The following FOXK1 variants were observed in gnomAD, a reference collection of about 807,000 sequenced individuals.
FOXK1 encodes forkhead box K1.
In FOXK1, 19 loss-of-function variants were observed where a neutral mutation model predicts 51.9. The ratio of observed to expected loss-of-function variants is 0.37; its 90% CI spans 0.26 to 0.54. The LOEUF is 0.54. Ranked by LOEUF, FOXK1 falls within the 20% of genes least tolerant of loss-of-function variation. FOXK1 has a pLI of 0.87. For missense variants in FOXK1, 870 were observed against 1,032.7 expected (o/e 0.84, Z 2.16); for synonymous variants, 537 against 482.6 (o/e 1.11, Z -1.48).
In FOXK1 at chr7:4,766,658, C is replaced by T. The variant is rs1422148927; in HGVS notation, c.*4194C>T. ...GAGTTGGGCCAGGACGGGGGCTTCA[C>T]CCTGCCCCCTCCAGACTGCCGAAGC... On this transcript the variant is annotated 3_prime_UTR_variant, in exon 9 of 9. Transcript: ENST00000328914. This position sits in a 1 kb window ranked among gnomAD's most constrained non-coding sequence, Gnocchi z 5.5. 6.6e-6 allele frequency: 1 copy of T among 152,320 alleles called. No homozygotes were observed. Among genetic ancestry groups the T allele is most frequent in the East Asian group, 1.9e-4 (1 of 5,182 alleles). The allele number at this position is 152,320 out of a possible 1,614,324, so 9.4% of individuals were successfully genotyped here. A position where few individuals can be genotyped will look rare whatever the true frequency, so the allele number is the denominator to read the frequency against.
Position 4,755,442 on chromosome 7 carries a change from CA to C in FOXK1, c.1050+60del, listed in dbSNP as rs1325285573. ...GAAGGCCCTTAGAACATGGAACTCA[CA>C]GGCATATTGCTTCCCTTAAAACAGA... is the stretch of plus-strand genomic sequence containing the variant. On this transcript the variant is annotated intron_variant, in intron 4 of 8. Coordinates refer to ENST00000328914, the MANE Select transcript of FOXK1 (RefSeq NM_001037165.2). This position sits in a 1 kb window ranked among gnomAD's most constrained non-coding sequence, Gnocchi z 6.6. 4.4e-6 allele frequency: 7 copies of C among 1,591,204 alleles called. No individual in the cohort carries two copies. The highest frequency in any genetic ancestry group is 2.7e-5 in the African/African-American group (2 of 74,526).
chr7:4,751,175 C>T (rs546089276), intron 2 of FOXK1, among the ~76,000 whole-genome samples: 33 of 151,708 alleles, frequency 2.2e-4, no homozygotes, highest in African/African-American at 7.0e-4. Context: ...CCACCATGCC[C>T]GGCTAATTTT....
Position 4,721,975 on chromosome 7 carries a change from G to T in FOXK1, c.561-18863G>T, listed in dbSNP as rs562885932. Among the ~76,000 whole-genome samples, 34 of 152,280 alleles carry T rather than the reference G, an allele frequency of 2.2e-4. No individual in the cohort carries two copies. The South Asian group carries it at 4.6e-3, about 20-fold the overall frequency. On this transcript the variant is annotated intron_variant, in intron 1 of 8. Transcript: ENST00000328914. ...CATCCCTTTCTCGTGCAGGAGTAACGGGGACGCGCACAGCCGTGTTACTTT... is the reference window on the plus strand; with the variant it reads ...CATCCCTTTCTCGTGCAGGAGTAACTGGGACGCGCACAGCCGTGTTACTTT...
At chr7:4,687,663 T>C (rs545035561) in intron 1 of FOXK1, among the ~76,000 whole-genome samples, 1 of 152,280 alleles carries the variant, frequency 6.6e-6, no homozygotes, top group Admixed American at 6.5e-5. Context: ...AAAATTTGTT[T>C]TCCTCATGAA....
At position 4,749,467 on chromosome 7, in the gene FOXK1, C is replaced by T. The variant is rs1583208442; in HGVS notation, c.747-4992C>T. Reference sequence around the variant, plus strand: ...AGCGTCCTCCTCTGCAGGGAGGTTCCCCCAGGAGGCTTCAGGTGCCGCCTT... The same window carrying T: ...AGCGTCCTCCTCTGCAGGGAGGTTCTCCCAGGAGGCTTCAGGTGCCGCCTT... On this transcript the variant is annotated intron_variant, in intron 2 of 8. Transcript: ENST00000328914. The surrounding 1 kb of genome is among the most constrained non-coding windows in gnomAD (Gnocchi z 6.0). Among the ~76,000 whole-genome samples the T allele has an allele frequency of 6.6e-6, 1 of 152,200 alleles. No homozygotes were observed. Among genetic ancestry groups the T allele is most frequent in the African/African-American group, 2.4e-5 (1 of 41,444 alleles).
chr7:4,759,875 A>G (rs927149901), intron 7 of FOXK1: 2 of 534,564 alleles, frequency 3.7e-6, no homozygotes, highest in Non-Finnish European at 6.6e-6. Flanking sequence ...TACTGAAAAT[A>G]CAAAAATTAG....
Position 4,715,172 on chromosome 7 carries a change from C to T in FOXK1, c.561-25666C>T, listed in dbSNP as rs1039091282. ...GATACGGTACATGGTGGAACTGTGA[C>T]GATACGGGGCACGGTGGAACTGTGG... On this transcript the variant is annotated intron_variant, in intron 1 of 8. Transcript: ENST00000328914. This position sits in a 1 kb window ranked among gnomAD's most constrained non-coding sequence, Gnocchi z 4.5. Among the ~76,000 whole-genome samples the T allele has an allele frequency of 2.7e-5, 4 of 147,634 alleles. No individual in the cohort carries two copies. The South Asian group carries it at 6.3e-4, about 23-fold the overall frequency.
At chr7:4,701,478 G>A (rs919425569) in intron 1 of FOXK1, among the ~76,000 whole-genome samples, 4 of 152,124 alleles carry the variant, frequency 2.6e-5, no homozygotes, top group Admixed American at 1.3e-4. Flanking sequence ...ACTATTGACC[G>A]GGCGTGGTGG....
At chr7:4,689,391 C>T (rs1779864767) in intron 1 of FOXK1, among the ~76,000 whole-genome samples, 1 of 152,188 alleles carries the variant, frequency 6.6e-6, no homozygotes, top group Admixed American at 6.5e-5. Context: ...GGATCACAGC[C>T]TCTGCATATG....
rs1270132979 is a variant in FOXK1 at position 4,682,395 on chromosome 7, C to A, written c.87C>A (p.Ala29=). The A allele has an allele frequency of 4.1e-6, 4 of 977,810 alleles. No individual in the cohort carries two copies. Among genetic ancestry groups the A allele is most frequent in the Non-Finnish European group, 1.2e-6 (1 of 825,640 alleles). The allele number at this position is 977,810 out of a possible 1,614,324, so 60.6% of individuals were successfully genotyped here. ...GCAGCCCAGTGCTGTGCGCCGCAGC[C>A]GCCGCCGCCGCCTTCCCCGCGGCCG... ...APCSPVLCAA[A]AAAAFPAAAP... is the part of the protein sequence containing the mutation. The change falls in exon 1 of 9, where the codon GCC becomes GCA. Residue 29 remains alanine, a synonymous_variant. Transcript: ENST00000328914. This position sits in a 1 kb window ranked among gnomAD's most constrained non-coding sequence, Gnocchi z 7.6.
At position 4,745,021 on chromosome 7, in the gene FOXK1, T is replaced by C. The variant is rs7784748; in HGVS notation, c.746+3998T>C. ...TTTCCCTGCCAAGATACTTTTCAGT[T>C]TGAGTTTCTGCTGTAGGGTGGAGCC... On this transcript the variant is annotated intron_variant, in intron 2 of 8. Coordinates refer to ENST00000328914, the MANE Select transcript of FOXK1 (RefSeq NM_001037165.2). This position sits in a 1 kb window ranked among gnomAD's most constrained non-coding sequence, Gnocchi z 4.3. Among the ~76,000 whole-genome samples the C allele has an allele frequency of 0.56, 85,719 of 152,082 alleles. 25,136 individuals carry two copies. The highest frequency in any genetic ancestry group is 0.85 in the East Asian group (4,407 of 5,176).
chr7:4,719,911 G>A (rs4523152), intron 1 of FOXK1, among the ~76,000 whole-genome samples: 53,329 of 152,000 alleles, frequency 0.35, 9,874 homozygotes, highest in African/African-American at 0.45. Flanking sequence ...AGTTTTTCCT[G>A]TATTCTAGAT....
intron 2 of FOXK1, among the ~76,000 whole-genome samples, chr7:4,752,280 G>A (rs187157223): frequency 6.6e-6 from 1 of 152,288 alleles, no homozygotes; most frequent in African/African-American, 2.4e-5. Flanking sequence ...GAGTAGCTGA[G>A]ACTACAGGTG....
chr7:4,690,869 C>G (rs768551446), intron 1 of FOXK1, among the ~76,000 whole-genome samples: 9 of 152,148 alleles, frequency 5.9e-5, no homozygotes, highest in Non-Finnish European at 1.2e-4. Context: ...AATGACAACT[C>G]AAATTGCAGC....
At position 4,749,445 on chromosome 7, in the gene FOXK1, G is replaced by C. The variant is rs765677024; in HGVS notation, c.747-5014G>C. ...AGGGGCTGGGGCAGGGACCCCAAGC[G>C]TCCTCCTCTGCAGGGAGGTTCCCCC... is the stretch of plus-strand genomic sequence containing the variant. On this transcript the variant is annotated intron_variant, in intron 2 of 8. Transcript: ENST00000328914. The surrounding 1 kb of genome is among the most constrained non-coding windows in gnomAD (Gnocchi z 6.0). Among the ~76,000 whole-genome samples, 2 of 152,196 alleles carry C rather than the reference G, an allele frequency of 1.3e-5. No individual in the cohort carries two copies. The highest frequency in any genetic ancestry group is 2.9e-5 in the Non-Finnish European group (2 of 68,022).
intron 1 of FOXK1, among the ~76,000 whole-genome samples, chr7:4,704,525 TA>T (rs902027567): frequency 0.013 from 1,902 of 146,380 alleles, 41 homozygotes; most frequent in African/African-American, 0.041. Context: ...TTTCAAAAAT[TA>T]AAAAAAAAAA....
At chr7:4,695,660 G>C (rs1779942161) in intron 1 of FOXK1, among the ~76,000 whole-genome samples, 1 of 152,208 alleles carries the variant, frequency 6.6e-6, no homozygotes, top group South Asian at 2.1e-4. Context: ...AAATTAGCCA[G>C]GCGTGGTGGC....
At chr7:4,705,254 C>G (rs1780068849) in intron 1 of FOXK1, among the ~76,000 whole-genome samples, 1 of 152,098 alleles carries the variant, frequency 6.6e-6, no homozygotes, top group South Asian at 2.1e-4. Flanking sequence ...GTGGCATGAT[C>G]ACAGCTCACT....
chr7:4,696,115 C>CA (rs1192472036), intron 1 of FOXK1, among the ~76,000 whole-genome samples: 2,150 of 79,866 alleles, frequency 0.027, 18 homozygotes, highest in Non-Finnish European at 0.04. Flanking sequence ...GACTGTGTCT[C>CA]AAAAAAAAAA....
Sources: allele counts gnomAD v4.1 joint callset (sites outside exome capture counted in the v4.1 genomes callset), GRCh38; gene constraint gnomAD v4.1.1; non-coding constraint Gnocchi (gnomAD v3.1); transcripts MANE v1.5; gene names NCBI Gene and HGNC (gene_info 2026-07-23, HGNC 2026-07-21).